The following GRB14 variants were observed in gnomAD, a reference collection of about 807,000 sequenced individuals.
GRB14 encodes growth factor receptor bound protein 14.
GRB14 carries 38 observed loss-of-function variants against 69.1 expected under a neutral mutation model. That is an observed-to-expected ratio of 0.55 (90% confidence interval 0.42 to 0.72). The LOEUF (loss-of-function observed/expected upper bound fraction) is 0.72. Among genes scored for constraint, GRB14 ranks in the 30% least tolerant of loss-of-function variants. GRB14 has a pLI of 0.00. For synonymous variants in GRB14, 247 were observed against 241.3 expected (o/e 1.02, Z -0.22); for missense variants, 666 against 666.1 (o/e 1.00, Z 0.00).
Position 164,535,305 on chromosome 2 carries a change from A to G in GRB14, c.482-8170T>C, listed in dbSNP as rs1281561473. On this transcript the variant is annotated intron_variant, in intron 3 of 13. Coordinates refer to ENST00000263915, the MANE Select transcript of GRB14 (RefSeq NM_004490.3). Reference sequence around the variant, plus strand: ...TTCTTTAAAAAAAGAAAAAGAAAAGAAAAAAGAAGAAGAAAGCAAGAAGTT... The same window carrying G: ...TTCTTTAAAAAAAGAAAAAGAAAAGGAAAAAGAAGAAGAAAGCAAGAAGTT... 2.6e-5 allele frequency among the ~76,000 whole-genome samples: 4 copies of G among 152,250 alleles called. No homozygotes were observed. The East Asian group carries it at 7.7e-4, about 29-fold the overall frequency.
chr2:164,530,981 T>C (rs969914129), intron 3 of GRB14, among the ~76,000 whole-genome samples: 4 of 152,136 alleles, frequency 2.6e-5, no homozygotes, highest in African/African-American at 9.7e-5. Context: ...CAGCTTACAT[T>C]AGCATGGTAG....
intron 12 of GRB14, among the ~76,000 whole-genome samples, chr2:164,495,886 T>C (rs1686880680): frequency 1.3e-5 from 2 of 152,216 alleles, no homozygotes; most frequent in Admixed American, 1.3e-4. Context: ...ATAGTATCTT[T>C]TTTTATACGA....
chr2:164,493,324 C>G (rs1686808371), intron 13 of GRB14, 142 bp from the exon 14 acceptor site: 1 of 671,604 alleles, frequency 1.5e-6, no homozygotes, highest in East Asian at 3.0e-5. Context: ...TACGGCATAT[C>G]TACTTGTTTT....
In GRB14 at chr2:164,547,678, G is replaced by A. The variant is rs1295921494; in HGVS notation, c.463C>T (p.Leu155=). ...DDHSWTLFEH[L]PHIGVERTIE... ...TCCTTACCTACACCTATGTGAGGCA[G>A]GTGCTCAAAAAGGGTCCAGCTGTGG... The change falls in exon 3 of 14, where the codon CTG becomes TTG. Residue 155 remains leucine, a synonymous_variant. Transcript: ENST00000263915. The A allele has an allele frequency of 3.1e-6, 5 of 1,613,416 alleles. No homozygotes were observed. The African/African-American group carries it at 6.7e-5, about 22-fold the overall frequency.
intron 2 of GRB14, among the ~76,000 whole-genome samples, chr2:164,610,093 A>G (rs1187190063): frequency 6.6e-6 from 1 of 152,194 alleles, no homozygotes; most frequent in Admixed American, 6.5e-5. Context: ...GTGAAAACTG[A>G]TTCTCTTAAA....
At chr2:164,548,047 A>T (rs1688430703) in intron 2 of GRB14, among the ~76,000 whole-genome samples, 1 of 152,170 alleles carries the variant, frequency 6.6e-6, no homozygotes, top group South Asian at 2.1e-4. Context: ...CAAAATTCCA[A>T]ATTCAATACA....
chr2:164,603,930 C>A (rs1320801614), intron 2 of GRB14, among the ~76,000 whole-genome samples: 1 of 152,012 alleles, frequency 6.6e-6, no homozygotes, highest in Non-Finnish European at 1.5e-5. Context: ...GCAAACAATG[C>A]AACAGAATAA....
At chr2:164,594,561 T>C (rs1466124126) in intron 2 of GRB14, among the ~76,000 whole-genome samples, 1 of 152,212 alleles carries the variant, frequency 6.6e-6, no homozygotes, top group East Asian at 1.9e-4. Context: ...TGTATGTAAT[T>C]ATTTACTCAG....
In GRB14 at chr2:164,576,038, C is replaced by A. The variant is rs1689243820; in HGVS notation, c.325-28222G>T. 2.0e-5 allele frequency among the ~76,000 whole-genome samples: 3 copies of A among 151,668 alleles called. No homozygotes were observed. In the South Asian group the frequency reaches 6.2e-4, roughly 32 times the overall value. The stretch of plus-strand genomic sequence containing the variant: ...TATAACCAAGTGTTTCATCAAGTTG[C>A]CTGTTCATAAGAATAGGCAAAAGCA... On this transcript the variant is annotated intron_variant, in intron 2 of 13. Transcript: ENST00000263915.
At chr2:164,560,782 T>C (rs1022052395) in intron 2 of GRB14, among the ~76,000 whole-genome samples, 4 of 152,158 alleles carry the variant, frequency 2.6e-5, no homozygotes, top group African/African-American at 9.7e-5. Flanking sequence ...AAACAAAGCC[T>C]GAATGTATAC....
At chr2:164,616,825 A>G (rs1690309678) in intron 2 of GRB14, among the ~76,000 whole-genome samples, 1 of 152,266 alleles carries the variant, frequency 6.6e-6, no homozygotes, top group Non-Finnish European at 1.5e-5. Context: ...GAGAGAGAAT[A>G]TAAAGTAAAG....
intron 2 of GRB14, among the ~76,000 whole-genome samples, chr2:164,601,390 T>A (rs1296249264): frequency 6.6e-6 from 1 of 152,040 alleles, no homozygotes; most frequent in Non-Finnish European, 1.5e-5. Flanking sequence ...GTTTCATGGG[T>A]GGTGTAAAGG....
intron 2 of GRB14, among the ~76,000 whole-genome samples, chr2:164,552,004 G>A (rs1159380849): frequency 6.6e-6 from 1 of 152,204 alleles, no homozygotes; most frequent in African/African-American, 2.4e-5. Flanking sequence ...GAGCAGGGGT[G>A]TCACATGGCA....
chr2:164,570,709 T>C (rs1689105225), intron 2 of GRB14, among the ~76,000 whole-genome samples: 2 of 152,200 alleles, frequency 1.3e-5, no homozygotes, highest in African/African-American at 2.4e-5. Context: ...GTTTGAAGTC[T>C]AGATGATGGG....
intron 8 of GRB14, among the ~76,000 whole-genome samples, chr2:164,507,431 G>T (rs941006973): frequency 8.6e-5 from 13 of 152,034 alleles, no homozygotes; most frequent in Non-Finnish European, 1.2e-4. Flanking sequence ...TTTAGTACAC[G>T]CATTGTTAAT....
chr2:164,525,053 G>C lies in GRB14; in HGVS notation c.629C>G (p.Ser210Cys), dbSNP rs950111845. The C allele has an allele frequency of 1.3e-6, 2 of 1,588,920 alleles. No homozygotes were observed. Among genetic ancestry groups the C allele is most frequent in the African/African-American group, 2.7e-5 (2 of 73,670 alleles). ...TTCACCATTGGTTTCAGTTGCAAAA[G>C]ATACCATATGCTCTGGAAAAAAATA... ...PMYFFPEHMV[S>C]FATETNGEIS... The change falls in exon 5 of 14, where the codon TCT becomes TGT. Residue 210 changes from serine to cysteine, a missense_variant. By Grantham distance (112) the Ser-to-Cys change is moderately radical (BLOSUM62 -1). Coordinates refer to ENST00000263915, the MANE Select transcript of GRB14 (RefSeq NM_004490.3).
Position 164,530,807 on chromosome 2 carries a change from G to C in GRB14, c.482-3672C>G, listed in dbSNP as rs185336441. Among the ~76,000 whole-genome samples the C allele has an allele frequency of 4.6e-5, 7 of 152,296 alleles. No individual in the cohort carries two copies. The East Asian group carries it at 1.4e-3, about 29-fold the overall frequency. ...GCCCTGCAGTCTATAGTAAGGGCTAGGCTTTTCCTCTGTGTTAGATGGGAA... is the reference window on the plus strand; with the variant it reads ...GCCCTGCAGTCTATAGTAAGGGCTACGCTTTTCCTCTGTGTTAGATGGGAA... On this transcript the variant is annotated intron_variant, in intron 3 of 13. Coordinates refer to ENST00000263915, the MANE Select transcript of GRB14 (RefSeq NM_004490.3).
Position 164,618,483 on chromosome 2 carries a change from C to G in GRB14, c.324+1204G>C, listed in dbSNP as rs551401482. ...CTCCCCAAACAAAGTTACAGTCCCA[C>G]CCACTTAAGGGTTTATTCCCCCTTT... On this transcript the variant is annotated intron_variant, in intron 2 of 13. Coordinates refer to ENST00000263915, the MANE Select transcript of GRB14 (RefSeq NM_004490.3). Among the ~76,000 whole-genome samples the G allele has an allele frequency of 2.1e-4, 32 of 152,250 alleles. No homozygotes were observed. In the East Asian group the frequency reaches 6.0e-3, roughly 28 times the overall value.
intron 3 of GRB14, among the ~76,000 whole-genome samples, chr2:164,539,445 C>A (rs187337359): frequency 6.6e-6 from 1 of 150,688 alleles, no homozygotes; most frequent in Non-Finnish European, 1.5e-5. Context: ...CTGTACTCCA[C>A]CCTGGGCGAC....
Sources: gnomAD v4.1 joint callset for allele counts (sites outside exome capture counted in the v4.1 genomes callset) on GRCh38, gnomAD v4.1.1 for gene constraint, MANE v1.5 for transcripts, NCBI Gene and HGNC (gene_info 2026-07-23, HGNC 2026-07-21) for gene names.